Variants in HCRTR2 observed in about 807,000 individuals in gnomAD.
The protein encoded by HCRTR2 is hypocretin receptor 2, also known as orexin receptor type 2.
A neutral mutation model predicts 49.0 loss-of-function variants in HCRTR2; 22 were observed. The observed-to-expected ratio is 0.45, with a 90% CI of 0.32 to 0.64. HCRTR2 has a LOEUF of 0.64. Among genes scored for constraint, HCRTR2 ranks in the 30% least tolerant of loss-of-function variants. HCRTR2 has a pLI of 0.04. For synonymous variants in HCRTR2, 236 were observed against 205.3 expected, an observed-to-expected ratio of 1.15 and a Z score of -1.28; for missense variants, 491 against 559.4, an observed-to-expected ratio of 0.88 and a Z score of 1.23.
intron 3 of HCRTR2, among the ~76,000 whole-genome samples, chr6:55,262,355 A>C (rs1331877941): frequency 7.1e-6 from 1 of 141,392 alleles, no homozygotes; most frequent in Non-Finnish European, 1.5e-5. Context: ...TTATATATAA[A>C]TATATAATGT....
At chr6:55,216,646 G>A (rs1765792590) in intron 1 of HCRTR2, among the ~76,000 whole-genome samples, 1 of 152,098 alleles carries the variant, frequency 6.6e-6, no homozygotes, top group Non-Finnish European at 1.5e-5. Context: ...GCACAATGTG[G>A]GGAACACATT....
chr6:55,132,650 C>T (rs751657619), intron 1 of HCRTR2, among the ~76,000 whole-genome samples: 7 of 151,628 alleles, frequency 4.6e-5, no homozygotes, highest in African/African-American at 1.7e-4. Flanking sequence ...GAGGTCAGCT[C>T]TTAAGCTTAA....
intron 1 of HCRTR2, among the ~76,000 whole-genome samples, chr6:55,204,016 T>C (rs1346367719): frequency 1.3e-5 from 2 of 152,226 alleles, no homozygotes; most frequent in Non-Finnish European, 2.9e-5. Flanking sequence ...AGATCTTATA[T>C]TGATCTTACC....
At chr6:55,168,256 G>T (rs1764904409) in intron 1 of HCRTR2, among the ~76,000 whole-genome samples, 2 of 152,082 alleles carry the variant, frequency 1.3e-5, no homozygotes, top group Non-Finnish European at 1.5e-5. Flanking sequence ...AGTATAACAA[G>T]TTCCCCTATA....
chr6:55,194,959 G>A (rs1052464045), intron 1 of HCRTR2, among the ~76,000 whole-genome samples: 1 of 152,030 alleles, frequency 6.6e-6, no homozygotes, highest in East Asian at 1.9e-4. Flanking sequence ...CAAACATGGA[G>A]TGACTCATAT....
Position 55,192,386 on chromosome 6 carries a change from T to C in HCRTR2, c.223+17576T>C, listed in dbSNP as rs572710544. On this transcript the variant is annotated intron_variant, in intron 1 of 6. Coordinates refer to ENST00000370862, the MANE Select transcript of HCRTR2 (RefSeq NM_001384272.1). ...CTGGGTAACATGGTGAGAACCTTTCTCTAAACACACACACACGCGCGCGCG... is the reference window on the plus strand; with the variant it reads ...CTGGGTAACATGGTGAGAACCTTTCCCTAAACACACACACACGCGCGCGCG... Among the ~76,000 whole-genome samples, 686 of 144,642 alleles carry C rather than the reference T, an allele frequency of 4.7e-3. 1 individual carries two copies. Among genetic ancestry groups the C allele is most frequent in the African/African-American group, 0.016 (628 of 38,392 alleles). 94.9% of individuals were successfully genotyped at this position (144,642 alleles called of 152,430 possible). A position where few individuals can be genotyped will look rare whatever the true frequency, so the allele number is the denominator to read the frequency against.
chr6:55,221,379 T>A (rs1765888055), intron 1 of HCRTR2, among the ~76,000 whole-genome samples: 1 of 152,074 alleles, frequency 6.6e-6, no homozygotes, highest in African/African-American at 2.4e-5. Context: ...AGCCCACACA[T>A]ACATTGTAAA....
intron 1 of HCRTR2, among the ~76,000 whole-genome samples, chr6:55,196,166 C>G (rs1207738178): frequency 6.6e-6 from 1 of 152,148 alleles, no homozygotes; most frequent in Non-Finnish European, 1.5e-5. Flanking sequence ...CACATTCCCC[C>G]TTCTTCTAAC....
chr6:55,208,199 G>A (rs1051006420), intron 1 of HCRTR2, among the ~76,000 whole-genome samples: 1 of 151,984 alleles, frequency 6.6e-6, no homozygotes, highest in Non-Finnish European at 1.5e-5. Flanking sequence ...ACTTGGCTGG[G>A]CATGGTGGCT....
chr6:55,172,540 G>T (rs1199141000), upstream of HCRTR2, among the ~76,000 whole-genome samples: 1 of 152,046 alleles, frequency 6.6e-6, no homozygotes, highest in Non-Finnish European at 1.5e-5. Context: ...AATTTAATTA[G>T]TGCAGATTGG....
At chr6:55,112,799 C>G (rs2127611157) in intron 1 of HCRTR2, among the ~76,000 whole-genome samples, 1 of 151,540 alleles carries the variant, frequency 6.6e-6, no homozygotes, top group African/African-American at 2.4e-5. Context: ...CCTTCAATTC[C>G]TATGATACCA....
chr6:55,209,249 A>G (rs1266193078), intron 1 of HCRTR2, among the ~76,000 whole-genome samples: 1 of 152,212 alleles, frequency 6.6e-6, no homozygotes, highest in Non-Finnish European at 1.5e-5. Context: ...AGGCTTAATC[A>G]TGCCATTTAA....
At chr6:55,154,099 T>C (rs1459780967) in intron 1 of HCRTR2, among the ~76,000 whole-genome samples, 2 of 151,822 alleles carry the variant, frequency 1.3e-5, no homozygotes, top group Non-Finnish European at 3.0e-5. Flanking sequence ...AGCCTGAACA[T>C]ACCAGTAACA....
upstream of HCRTR2, among the ~76,000 whole-genome samples, chr6:55,172,059 T>C (rs1764958368): frequency 6.6e-6 from 1 of 152,172 alleles, no homozygotes; most frequent in Non-Finnish European, 1.5e-5. Flanking sequence ...GTTGACAGAT[T>C]TATGCCGATG....
chr6:55,253,894 G>A (rs1766599950), intron 2 of HCRTR2, among the ~76,000 whole-genome samples: 1 of 152,102 alleles, frequency 6.6e-6, no homozygotes, highest in Admixed American at 6.6e-5. Flanking sequence ...GAGGGTGGGA[G>A]AAGGGAGAGG....
intron 1 of HCRTR2, among the ~76,000 whole-genome samples, chr6:55,222,480 G>C (rs749039269): frequency 1.3e-5 from 2 of 152,124 alleles, no homozygotes; most frequent in Non-Finnish European, 1.5e-5. Flanking sequence ...AGAGATATTT[G>C]CACTCTCATG....
chr6:55,191,015 G>A (rs1765306261), intron 1 of HCRTR2, among the ~76,000 whole-genome samples: 3 of 152,078 alleles, frequency 2.0e-5, no homozygotes, highest in Non-Finnish European at 4.4e-5. Context: ...GCTATCAGAG[G>A]GGAGTAGATT....
intron 1 of HCRTR2, among the ~76,000 whole-genome samples, chr6:55,165,980 C>T (rs1325535445): frequency 3.3e-5 from 5 of 151,690 alleles, no homozygotes; most frequent in African/African-American, 1.2e-4. Flanking sequence ...CATATACAGA[C>T]TTTATTAAGT....
intron 1 of HCRTR2, among the ~76,000 whole-genome samples, chr6:55,156,572 GAC>G (rs141547382): frequency 8.8e-5 from 13 of 148,376 alleles, no homozygotes; most frequent in South Asian, 2.1e-4. Flanking sequence ...CTCTCTCTGA[GAC>G]ACACACACAC....
Sources: gnomAD v4.1 joint callset for allele counts (sites outside exome capture counted in the v4.1 genomes callset) on GRCh38, gnomAD v4.1.1 for gene constraint, MANE v1.5 for transcripts, NCBI Gene and HGNC (gene_info 2026-07-23, HGNC 2026-07-21) for gene names.